The following RBM39 variants were observed in gnomAD, a reference collection of about 807,000 sequenced individuals.
RBM39 encodes RNA-binding protein 39.
In RBM39, 12 loss-of-function variants were observed where a neutral mutation model predicts 79.6. The observed-to-expected ratio is 0.15, with a 90% CI of 0.10 to 0.24. The LOEUF (loss-of-function observed/expected upper bound fraction) is 0.24, where lower values mean the gene tolerates loss of function less well. Among genes scored for constraint, RBM39 ranks in the 10% least tolerant of loss-of-function variants. The pLI is 1.00. For missense variants in RBM39, 243 were observed against 653.4 expected, an observed-to-expected ratio of 0.37 and a Z score of 6.85; for synonymous variants, 185 against 208.4, an observed-to-expected ratio of 0.89 and a Z score of 0.97.
At chr20:35,721,588 T>C in intron 9 of RBM39, 152 bp downstream of exon 9, 1 of 805,448 alleles carries the variant, frequency 1.2e-6, no homozygotes, top group Non-Finnish European at 1.9e-6. Context: ...TGACCTATTT[T>C]AATCTATGTT....
intron 10 of RBM39, among the ~76,000 whole-genome samples, chr20:35,715,931 G>A (rs1233062253): frequency 6.6e-6 from 1 of 151,032 alleles, no homozygotes; most frequent in Non-Finnish European, 1.5e-5. Context: ...GCAATAACAA[G>A]TAAAGGCTTT....
chr20:35,716,820 C>A lies in RBM39; in HGVS notation c.826-15G>T, dbSNP rs912115618. 5 of 1,569,868 alleles carry A rather than the reference C, an allele frequency of 3.2e-6. No individual in the cohort carries two copies. Among genetic ancestry groups the A allele is most frequent in the Non-Finnish European group, 4.4e-6 (5 of 1,147,064 alleles). ...ATACTTTCAATCTATAATTGAAAAG[C>A]ATAATTACTATAACTTAAAAGCAGA... On this transcript the variant is annotated splice_polypyrimidine_tract_variant and intron_variant, in intron 9 of 16. Coordinates refer to ENST00000253363, the MANE Select transcript of RBM39 (RefSeq NM_184234.3).
Position 35,724,573 on chromosome 20 carries a change from T to C in RBM39, c.684A>G (p.Ser228=). ...VLGVPIIVQA[S]QAEKNRAAAM... ...TCTTAACCAACAAAAAAATTACCTGTGATGCCTGTACTATGATTGGCACGC... is the reference window on the plus strand; with the variant it reads ...TCTTAACCAACAAAAAAATTACCTGCGATGCCTGTACTATGATTGGCACGC... Residue 228 remains serine, a synonymous_variant, in exon 8 of 17, where the codon TCA becomes TCG. Transcript: ENST00000253363. 6.2e-7 allele frequency: 1 copy of C among 1,613,078 alleles called. No individual in the cohort carries two copies. Among genetic ancestry groups the C allele is most frequent in the East Asian group, 2.2e-5 (1 of 44,864 alleles).
chr20:35,737,727 T>G (rs970761608), intron 3 of RBM39, among the ~76,000 whole-genome samples: 1 of 150,600 alleles, frequency 6.6e-6, no homozygotes, highest in African/African-American at 2.5e-5. Flanking sequence ...CAGGCGCCTG[T>G]AGTCCCTGCT....
In RBM39 at chr20:35,707,064, A is replaced by G. The variant is rs2035836671; in HGVS notation, c.1307+56T>C. ...AAAAAAAAAAAAAGAGAAATATATAAAACAACTCTATTGACGCCTTGATAG... is the reference window on the plus strand; with the variant it reads ...AAAAAAAAAAAAAGAGAAATATATAGAACAACTCTATTGACGCCTTGATAG... On this transcript the variant is annotated intron_variant, in intron 14 of 16. Transcript: ENST00000253363. 5 of 1,006,178 alleles carry G rather than the reference A, an allele frequency of 5.0e-6. No homozygotes were observed. The South Asian group carries it at 8.7e-5, about 18-fold the overall frequency. The allele number at this position is 1,006,178 out of a possible 1,614,324, so 62.3% of individuals were successfully genotyped here.
chr20:35,723,597 C>T (rs1251847405), intron 8 of RBM39, among the ~76,000 whole-genome samples: 1 of 152,156 alleles, frequency 6.6e-6, no homozygotes, highest in African/African-American at 2.4e-5. Context: ...TGACACCATG[C>T]CCAGCTAATT....
intron 13 of RBM39, among the ~76,000 whole-genome samples, chr20:35,708,326 G>A (rs2035997603): frequency 6.6e-6 from 1 of 151,822 alleles, no homozygotes; most frequent in African/African-American, 2.4e-5. Context: ...AAACTAGAAA[G>A]TCTAAACAGA....
chr20:35,719,405 G>T (rs1206569647), intron 9 of RBM39, among the ~76,000 whole-genome samples: 2 of 152,136 alleles, frequency 1.3e-5, no homozygotes, highest in African/African-American at 4.8e-5. Flanking sequence ...ATATGGCACT[G>T]AAAACCTAAA....
In RBM39 at chr20:35,724,999, T is replaced by C. The variant is rs775690444; in HGVS notation, c.534+39A>G. 5.1e-6 allele frequency: 7 copies of C among 1,380,706 alleles called. 1 individual carries two copies. In the Admixed American group the frequency reaches 6.0e-5, roughly 12 times the overall value. 85.5% of individuals were successfully genotyped at this position (1,380,706 alleles called of 1,614,324 possible). A position where few individuals can be genotyped will look rare whatever the true frequency, so the allele number is the denominator to read the frequency against. On this transcript the variant is annotated intron_variant, in intron 7 of 16. Coordinates refer to ENST00000253363, the MANE Select transcript of RBM39 (RefSeq NM_184234.3). ...GATGTTTACATGTTTTCTCTTGCAA[T>C]TTCTACCTACTTGACCTCCCTAAAC... is the stretch of plus-strand genomic sequence containing the variant.
chr20:35,739,170 G>T, intron 2 of RBM39, 153 bp from the exon 3 acceptor site: 1 of 709,908 alleles, frequency 1.4e-6, no homozygotes, highest in Non-Finnish European at 2.4e-6. Context: ...AAAAAATTTA[G>T]ATGGGTATGT....
chr20:35,717,472 C>T (rs987985229), intron 9 of RBM39, among the ~76,000 whole-genome samples: 3 of 152,218 alleles, frequency 2.0e-5, no homozygotes, highest in Admixed American at 6.5e-5. Flanking sequence ...ACAAAATCAA[C>T]GTTTCCTTCC....
intron 2 of RBM39, 103 bp downstream of exon 2, chr20:35,740,721 A>G: frequency 7.4e-7 from 1 of 1,347,110 alleles, no homozygotes. Flanking sequence ...TGATAAGATA[A>G]ATCAAGAGGG....
chr20:35,713,662 A>AAC (rs1569002763), intron 11 of RBM39: 12 of 105,484 alleles, frequency 1.1e-4, no homozygotes, highest in Non-Finnish European at 1.8e-4. Context: ...CCAACCAACC[A>AAC]ACACAAAAAA....
At position 35,713,352 on chromosome 20, in the gene RBM39, A is replaced by G. The variant is rs540371659; in HGVS notation, c.1097-256T>C. On this transcript the variant is annotated intron_variant, in intron 11 of 16. Coordinates refer to ENST00000253363, the MANE Select transcript of RBM39 (RefSeq NM_184234.3). Reference sequence around the variant, plus strand: ...TGAGATGGAGTATCGCTCTTGTTGCACAGGCTCTTGTTGCACAGGCTGGAG... The same window carrying G: ...TGAGATGGAGTATCGCTCTTGTTGCGCAGGCTCTTGTTGCACAGGCTGGAG... 1.9e-5 allele frequency: 6 copies of G among 318,538 alleles called. 1 individual carries two copies. The South Asian group carries it at 2.3e-4, about 12-fold the overall frequency. The allele number at this position is 318,538 out of a possible 1,614,324, so 19.7% of individuals were successfully genotyped here.
chr20:35,722,469 T>A (rs928502814), intron 8 of RBM39, among the ~76,000 whole-genome samples: 1 of 147,524 alleles, frequency 6.8e-6, no homozygotes, highest in African/African-American at 2.5e-5. Context: ...TTTTTTTTTT[T>A]TTTTTTTGAG....
chr20:35,732,369 A>T, intron 3 of RBM39: 2 of 529,822 alleles, frequency 3.8e-6, no homozygotes. Flanking sequence ...CAGTCTGGCC[A>T]ATGTAGTGAA....
At chr20:35,729,403 G>A (rs1803580486) in intron 5 of RBM39, 38 bp from the exon 6 acceptor site, 1 of 1,605,662 alleles carries the variant, frequency 6.2e-7, no homozygotes, top group Non-Finnish European at 8.5e-7. Context: ...ATCCAAACAA[G>A]TACAGCATGT....
chr20:35,725,186 T>C (rs777051402), intron 6 of RBM39, 31 bp from the exon 7 acceptor site: 3 of 1,302,078 alleles, frequency 2.3e-6, no homozygotes, highest in South Asian at 2.7e-5. Context: ...AAAATTAATT[T>C]CATAACAGAT....
At chr20:35,713,193 T>C (rs2036655034) in intron 11 of RBM39, 97 bp from the exon 12 acceptor site, 3 of 1,055,704 alleles carry the variant, frequency 2.8e-6, no homozygotes, top group Non-Finnish European at 4.1e-6. Flanking sequence ...TAAAATAAAT[T>C]GCAAGGAGGG....
Sources: gnomAD v4.1 joint callset for allele counts (sites outside exome capture counted in the v4.1 genomes callset) on GRCh38, gnomAD v4.1.1 for gene constraint, MANE v1.5 for transcripts, NCBI Gene and HGNC (gene_info 2026-07-23, HGNC 2026-07-21) for gene names.